The following ZNF236 variants were observed in gnomAD, a reference collection of about 807,000 sequenced individuals.
ZNF236 encodes zinc finger protein 236.
Under a neutral mutation model 191.2 loss-of-function variants are expected in ZNF236, and 50 were observed. The observed-to-expected ratio is 0.26, with a 90% CI of 0.21 to 0.33. The LOEUF (loss-of-function observed/expected upper bound fraction) is 0.33. ZNF236 is among the 10% of genes least tolerant of loss of function. ZNF236 has a pLI of 1.00. For synonymous variants in ZNF236, 907 were observed against 928.8 expected, an observed-to-expected ratio of 0.98 and a Z score of 0.43; for missense variants, 1,754 against 2,374.5, an observed-to-expected ratio of 0.74 and a Z score of 5.43.
chr18:76,945,939 G>A (rs373416634), intron 26 of ZNF236, among the ~76,000 whole-genome samples: 17 of 152,254 alleles, frequency 1.1e-4, no homozygotes, highest in African/African-American at 3.9e-4. Flanking sequence ...TCTTTCTCTG[G>A]AATCCCTGAT....
Position 76,940,084 on chromosome 18 carries a change from C to T in ZNF236, c.4782+2741C>T, listed in dbSNP as rs149106195. On this transcript the variant is annotated intron_variant, in intron 26 of 30. Transcript: ENST00000320610. ...GACCCTAGCACTGTGTTTGGGAACA[C>T]GGTGGGCGACCCTAGCACTGCATTT... Among the ~76,000 whole-genome samples, 557 of 139,510 alleles carry T rather than the reference C, an allele frequency of 4.0e-3. 2 individuals are homozygous for T. Among genetic ancestry groups the T allele is most frequent in the Non-Finnish European group, 6.0e-3 (393 of 65,396 alleles). 91.5% of individuals were successfully genotyped at this position (139,510 alleles called of 152,430 possible).
At chr18:76,890,424 CA>C (rs1369858551) in intron 9 of ZNF236, among the ~76,000 whole-genome samples, 2 of 152,084 alleles carry the variant, frequency 1.3e-5, no homozygotes, top group Non-Finnish European at 2.9e-5. Flanking sequence ...TCATTGGTGT[CA>C]GTAACATACT....
intron 3 of ZNF236, among the ~76,000 whole-genome samples, chr18:76,865,162 C>G (rs1976371457): frequency 6.6e-6 from 1 of 152,098 alleles, no homozygotes; most frequent in Non-Finnish European, 1.5e-5. Flanking sequence ...CATGGTGAAG[C>G]CCCATCTCTA....
At chr18:76,870,806 G>A (rs1444022926) in intron 4 of ZNF236, among the ~76,000 whole-genome samples, 1 of 152,088 alleles carries the variant, frequency 6.6e-6, no homozygotes, top group African/African-American at 2.4e-5. Flanking sequence ...GGTCTGAGAA[G>A]CAGGAAGGTG....
At chr18:76,948,919 A>G (rs935265389) in intron 27 of ZNF236, among the ~76,000 whole-genome samples, 1 of 152,184 alleles carries the variant, frequency 6.6e-6, no homozygotes. Context: ...GGCATTGCCC[A>G]AGGTTCTGGG....
intron 20 of ZNF236, among the ~76,000 whole-genome samples, chr18:76,920,311 G>A (rs1278386511): frequency 6.6e-6 from 1 of 152,174 alleles, no homozygotes; most frequent in Non-Finnish European, 1.5e-5. Context: ...AGCACTTTGG[G>A]AGGCTGAGGC....
At chr18:76,833,831 G>C (rs1326648482) in intron 1 of ZNF236, among the ~76,000 whole-genome samples, 1 of 151,910 alleles carries the variant, frequency 6.6e-6, no homozygotes, top group Non-Finnish European at 1.5e-5. Flanking sequence ...AGATTTCTGT[G>C]GGGAAATTTT....
In ZNF236 at chr18:76,843,803, A is replaced by AAAAAAAAAAAAAAAAG. The variant is rs71172383; in HGVS notation, c.56-5721_56-5720insAAAAAAAAAAAAAGAA. On this transcript the variant is annotated intron_variant, in intron 1 of 30. Transcript: ENST00000320610. The stretch of plus-strand genomic sequence containing the variant: ...AAAAAAAAAAAAAAAAAAAAAAAAA[A>AAAAAAAAAAAAAAAAG]AAGTAAAGAAGAGACCGGGCGCAGT... Among the ~76,000 whole-genome samples, 136 of 62,086 alleles carry AAAAAAAAAAAAAAAAG rather than the reference A, an allele frequency of 2.2e-3. 43 individuals carry two copies. The highest frequency in any genetic ancestry group is 3.9e-3 in the African/African-American group (60 of 15,388). The allele number at this position is 62,086 out of a possible 152,430, so 40.7% of individuals were successfully genotyped here.
At chr18:76,888,519 A>G (rs937142554) in intron 9 of ZNF236, 1 of 152,260 alleles carries the variant, frequency 6.6e-6, no homozygotes, top group East Asian at 1.9e-4. Flanking sequence ...CTCTCTAATT[A>G]GATGTTGGAC....
chr18:76,883,362 C>CTTTTTTTTTTTTTTTTTTTTTTTTTTTTT (rs10581368), intron 9 of ZNF236, among the ~76,000 whole-genome samples: 1 of 93,084 alleles, frequency 1.1e-5, no homozygotes, highest in Non-Finnish European at 2.2e-5. Context: ...GGAGCCAGTG[C>CTTTTTTTTTTTTTTTTTTTTTTTTTTTTT]TTTTTTTTTT....
chr18:76,881,531 A>C lies in ZNF236; in HGVS notation c.1417+19A>C. The C allele has an allele frequency of 1.9e-6, 3 of 1,601,364 alleles. No homozygotes were observed. Among genetic ancestry groups the C allele is most frequent in the Non-Finnish European group, 2.6e-6 (3 of 1,175,334 alleles). Reference sequence around the variant, plus strand: ...CTACCTGGTAATTTTCCTAAACTTTAAAGTTTGGACATTTGGGATAGCATA... The same window carrying C: ...CTACCTGGTAATTTTCCTAAACTTTCAAGTTTGGACATTTGGGATAGCATA... On this transcript the variant is annotated intron_variant, in intron 9 of 30. Coordinates refer to ENST00000320610, the MANE Select transcript of ZNF236 (RefSeq NM_001306089.2).
At chr18:76,853,358 T>C (rs1267634015) in intron 3 of ZNF236, among the ~76,000 whole-genome samples, 1 of 152,126 alleles carries the variant, frequency 6.6e-6, no homozygotes, top group African/African-American at 2.4e-5. Context: ...GCATTACAGG[T>C]GTGAGCCACC....
intron 1 of ZNF236, among the ~76,000 whole-genome samples, chr18:76,842,256 G>A (rs990425467): frequency 1.4e-5 from 2 of 138,702 alleles, no homozygotes; most frequent in East Asian, 2.1e-4. Context: ...TTGTTAATAC[G>A]TTATCACCAT....
At chr18:76,929,288 A>G (rs1264532651) in intron 25 of ZNF236, among the ~76,000 whole-genome samples, 2 of 152,074 alleles carry the variant, frequency 1.3e-5, no homozygotes, top group Non-Finnish European at 2.9e-5. Flanking sequence ...ATGCTGTTGG[A>G]CAGCAAAAAT....
intron 26 of ZNF236, among the ~76,000 whole-genome samples, chr18:76,940,106 A>T: frequency 7.9e-6 from 1 of 126,778 alleles, no homozygotes; most frequent in African/African-American, 3.2e-5. Flanking sequence ...CTAGCACTGC[A>T]TTTGGGAACA....
intron 20 of ZNF236, among the ~76,000 whole-genome samples, chr18:76,920,266 T>G (rs2122805249): frequency 6.6e-6 from 1 of 152,278 alleles, no homozygotes; most frequent in African/African-American, 2.4e-5. Flanking sequence ...TTAGTCTGTT[T>G]TCGGCTGTGC....
Position 76,937,116 on chromosome 18 carries a change from T to C in ZNF236, c.4595-40T>C, listed in dbSNP as rs779639278. 3 of 1,593,110 alleles carry C rather than the reference T, an allele frequency of 1.9e-6. No homozygotes were observed. In the African/African-American group the frequency reaches 4.0e-5, roughly 21 times the overall value. ...CTATGCCCTTACACCTGGACTTGTC[T>C]GGCCTTCCCATTGATCTACTTACTT... On this transcript the variant is annotated intron_variant, in intron 25 of 30. Coordinates refer to ENST00000320610, the MANE Select transcript of ZNF236 (RefSeq NM_001306089.2).
In ZNF236 at chr18:76,935,940, C is replaced by T. The variant is rs548165683; in HGVS notation, c.4595-1216C>T. 18 of 456,088 alleles carry T rather than the reference C, an allele frequency of 3.9e-5. No homozygotes were observed. In the East Asian group the frequency reaches 1.0e-3, roughly 26 times the overall value. The allele number at this position is 456,088 out of a possible 1,614,324, so 28.3% of individuals were successfully genotyped here. On this transcript the variant is annotated intron_variant, in intron 25 of 30. Coordinates refer to ENST00000320610, the MANE Select transcript of ZNF236 (RefSeq NM_001306089.2). Reference sequence around the variant, plus strand: ...GAGCCCCGGCGGCTGCTTCAGCGCTCGAGCCTCCCAGCCTGCTAATGGTTC... The same window carrying T: ...GAGCCCCGGCGGCTGCTTCAGCGCTTGAGCCTCCCAGCCTGCTAATGGTTC...
At chr18:76,959,623 T>A in intron 28 of ZNF236, 64 bp from the exon 29 acceptor site, 1 of 1,540,386 alleles carries the variant, frequency 6.5e-7, no homozygotes, top group Non-Finnish European at 8.8e-7. Context: ...ATTTGCTTCC[T>A]CTTGTTTCTA....
Sources: allele counts gnomAD v4.1 joint callset (sites outside exome capture counted in the v4.1 genomes callset), GRCh38; gene constraint gnomAD v4.1.1; transcripts MANE v1.5; gene names NCBI Gene and HGNC (gene_info 2026-07-23, HGNC 2026-07-21).